The following NEDD9 variants were observed in gnomAD, a reference collection of about 807,000 sequenced individuals.
NEDD9 encodes neural precursor cell expressed, developmentally down-regulated 9.
Under a neutral mutation model 76.6 loss-of-function variants are expected in NEDD9, and 26 were observed. That is an observed-to-expected ratio of 0.34 (90% CI 0.25 to 0.47). NEDD9 has a LOEUF of 0.47. Ranked by LOEUF, NEDD9 falls within the 20% of genes least tolerant of loss-of-function variation. The pLI, the probability that NEDD9 is intolerant of heterozygous loss-of-function variation, is 1.00. For missense variants in NEDD9, 937 were observed against 1,058.5 expected (o/e 0.89, Z 1.59); for synonymous variants, 392 against 414.2 (o/e 0.95, Z 0.65).
At chr6:11,295,319 T>C (rs1396730373) in intron 3 of NEDD9, among the ~76,000 whole-genome samples, 1 of 152,270 alleles carries the variant, frequency 6.6e-6, no homozygotes, top group Non-Finnish European at 1.5e-5. Flanking sequence ...TTTCTGACTG[T>C]TAACCCATTA....
intron 2 of NEDD9, among the ~76,000 whole-genome samples, chr6:11,331,989 T>C (rs1443847188): frequency 6.6e-6 from 1 of 152,222 alleles, no homozygotes; most frequent in Non-Finnish European, 1.5e-5. Context: ...CAATGGCTGA[T>C]TATTGGGTCA....
chr6:11,296,675 CT>C (rs1448013332), intron 3 of NEDD9, among the ~76,000 whole-genome samples: 2 of 82,356 alleles, frequency 2.4e-5, no homozygotes, highest in Non-Finnish European at 4.5e-5. Context: ...CTTTCCTTTC[CT>C]TTCCCTTCCT....
chr6:11,279,124 C>A (rs537879076), intron 3 of NEDD9, among the ~76,000 whole-genome samples: 1 of 152,038 alleles, frequency 6.6e-6, no homozygotes, highest in Non-Finnish European at 1.5e-5. Context: ...TTGTCTTCAC[C>A]CTAAAAGGCT....
chr6:11,185,134 C>T lies in NEDD9; in HGVS notation c.*28G>A, dbSNP rs757514716. The T allele has an allele frequency of 4.4e-6, 7 of 1,594,002 alleles. No individual in the cohort carries two copies. The East Asian group carries it at 6.8e-5, about 15-fold the overall frequency. ...TCCAGTTTTCCTTAGTAACCGTTAA[C>T]GCAGTCCCCTTCCTCTTTTTTTTCT... On this transcript the variant is annotated 3_prime_UTR_variant, in exon 7 of 7. Coordinates refer to ENST00000379446, the MANE Select transcript of NEDD9 (RefSeq NM_006403.4).
At chr6:11,250,878 A>G (rs529293955) in intron 3 of NEDD9, among the ~76,000 whole-genome samples, 3 of 152,326 alleles carry the variant, frequency 2.0e-5, no homozygotes, top group African/African-American at 7.2e-5. Context: ...CTTCGGGATA[A>G]AACTACACAC....
At chr6:11,269,525 C>A (rs898704950) in intron 3 of NEDD9, among the ~76,000 whole-genome samples, 7 of 152,154 alleles carry the variant, frequency 4.6e-5, no homozygotes, top group African/African-American at 1.7e-4. Flanking sequence ...CACAAAATTG[C>A]ATACAAACTT....
At chr6:11,357,674 T>A (rs752437896) in intron 1 of NEDD9, among the ~76,000 whole-genome samples, 2 of 152,218 alleles carry the variant, frequency 1.3e-5, no homozygotes, top group Non-Finnish European at 2.9e-5. Flanking sequence ...GGCGCTTGCT[T>A]CGGTGCTGAT....
upstream of NEDD9, among the ~76,000 whole-genome samples, chr6:11,232,933 G>A (rs1759526109): frequency 6.6e-6 from 1 of 151,976 alleles, no homozygotes; most frequent in African/African-American, 2.4e-5. Context: ...AGGAAAAGGA[G>A]ATACATTCTT....
intron 2 of NEDD9, among the ~76,000 whole-genome samples, chr6:11,210,522 T>C (rs1254474603): frequency 6.6e-6 from 1 of 151,934 alleles, no homozygotes; most frequent in African/African-American, 2.4e-5. Flanking sequence ...CTCAGAAAAA[T>C]GAAAAAGCCA....
rs1757960993 is a variant in NEDD9, at chr6:11,185,626, C to G, written c.2041G>C (p.Glu681Gln). 6.2e-7 allele frequency: 1 copy of G among 1,614,104 alleles called. No individual in the cohort carries two copies. Among genetic ancestry groups the G allele is most frequent in the African/African-American group, 1.3e-5 (1 of 74,930 alleles). Residue 681 changes from glutamate to glutamine, a missense_variant, in exon 7 of 7, where the codon GAG becomes CAG. By Grantham distance (29) the Glu-to-Gln change is conservative. Coordinates refer to ENST00000379446, the MANE Select transcript of NEDD9 (RefSeq NM_006403.4). ...GGCTTCCACTTCGAGATGTCATTCT[C>G]CACGGGCTTTGTAATCTCTTGTTCC... is the stretch of plus-strand genomic sequence containing the variant. ...LLEQEITKPV[E>Q]NDISKWKPSQ... is the part of the protein sequence containing the mutation.
intron 2 of NEDD9, among the ~76,000 whole-genome samples, chr6:11,210,766 G>GGAGAGGGAGA (rs1554125285): frequency 8.2e-6 from 1 of 121,854 alleles, no homozygotes; most frequent in African/African-American, 3.3e-5. Context: ...AGGGATGGGG[G>GGAGAGGGAGA]GAGAGAGAGA....
chr6:11,227,817 A>G (rs1470055021), intron 1 of NEDD9, among the ~76,000 whole-genome samples: 1 of 152,208 alleles, frequency 6.6e-6, no homozygotes, highest in East Asian at 1.9e-4. Flanking sequence ...GGTGAAAAGC[A>G]TAACAGCCTA....
At chr6:11,266,275 T>C (rs887934344) in intron 3 of NEDD9, among the ~76,000 whole-genome samples, 1 of 152,106 alleles carries the variant, frequency 6.6e-6, no homozygotes, top group Non-Finnish European at 1.5e-5. Flanking sequence ...AGGGAACATT[T>C]TTCCATATCT....
At chr6:11,366,334 CAGAG>C (rs199514765) in intron 1 of NEDD9, among the ~76,000 whole-genome samples, 2,189 of 110,338 alleles carry the variant, frequency 0.02, 50 homozygotes, top group African/African-American at 0.081. Context: ...AGGAGAAAGA[CAGAG>C]AGAAAGAAAG....
chr6:11,370,897 G>C lies in NEDD9; in HGVS notation c.-214+11242C>G, dbSNP rs996919237. On this transcript the variant is annotated intron_variant, in intron 1 of 3. Coordinates refer to the NEDD9 transcript ENST00000397378. The surrounding 1 kb of genome is among the most constrained non-coding windows in gnomAD (Gnocchi z 4.2). ...TGACAACGGGGAGGGTGACAGAGGT[G>C]ACCCCGTGGCCATTTTGCATGGCAT... Among the ~76,000 whole-genome samples, 6 of 152,268 alleles carry C rather than the reference G, an allele frequency of 3.9e-5. No homozygotes were observed. Among genetic ancestry groups the C allele is most frequent in the South Asian group, 4.1e-4 (2 of 4,828 alleles).
At chr6:11,361,390 C>T (rs1190102769) in intron 1 of NEDD9, among the ~76,000 whole-genome samples, 1 of 152,136 alleles carries the variant, frequency 6.6e-6, no homozygotes, top group Admixed American at 6.5e-5. Context: ...GGCTTACAAT[C>T]ATGGCGGAAG....
intron 2 of NEDD9, among the ~76,000 whole-genome samples, chr6:11,329,760 TG>T (rs200424274): frequency 6.6e-6 from 1 of 150,636 alleles, no homozygotes; most frequent in Non-Finnish European, 1.5e-5. Context: ...CACAACTGGG[TG>T]GGGGGGGCGG....
chr6:11,187,679 A>G (rs1758013695), intron 6 of NEDD9, among the ~76,000 whole-genome samples: 1 of 152,234 alleles, frequency 6.6e-6, no homozygotes, highest in African/African-American at 2.4e-5. Context: ...AGCCATCTAT[A>G]GAAGTTCTGA....
intron 1 of NEDD9, among the ~76,000 whole-genome samples, chr6:11,376,887 C>T (rs535937691): frequency 4.5e-4 from 68 of 152,358 alleles, no homozygotes; most frequent in Middle Eastern, 3.4e-3. Context: ...AGAATGGTTT[C>T]AGGGGCCAGG....
Sources: gnomAD v4.1 joint callset for allele counts (sites outside exome capture counted in the v4.1 genomes callset) on GRCh38, gnomAD v4.1.1 for gene constraint, Gnocchi (gnomAD v3.1) non-coding constraint, MANE v1.5 for transcripts, NCBI Gene and HGNC (gene_info 2026-07-23, HGNC 2026-07-21) for gene names.